FAT3: variants seen among roughly 807,000 people sequenced by gnomAD.
FAT3 encodes protocadherin Fat 3.
Under a neutral mutation model 310.2 loss-of-function variants are expected in FAT3, and 95 were observed. That is an observed-to-expected ratio of 0.31 (90% CI 0.26 to 0.36). The LOEUF is 0.36. Ranked by LOEUF, FAT3 falls within the 10% of genes least tolerant of loss-of-function variation. FAT3 has a pLI of 1.00. For missense variants in FAT3, 5,408 were observed against 5,715.6 expected, an observed-to-expected ratio of 0.95 and a Z score of 1.74; for synonymous variants, 2,314 against 2,192.9, an observed-to-expected ratio of 1.06 and a Z score of -1.54.
At chr11:92,741,796 C>A (rs951163583) in intron 4 of FAT3, among the ~76,000 whole-genome samples, 20 of 152,180 alleles carry the variant, frequency 1.3e-4, no homozygotes, top group African/African-American at 4.3e-4. Flanking sequence ...AGAAAAAATA[C>A]TACCTGTTGT....
intron 3 of FAT3, among the ~76,000 whole-genome samples, chr11:92,593,384 G>A (rs772537597): frequency 2.0e-5 from 3 of 151,586 alleles, no homozygotes; most frequent in African/African-American, 4.8e-5. Flanking sequence ...TTCTATAGCA[G>A]CTGTGCCATT....
chr11:92,371,187 G>A (rs1949176299), intron 2 of FAT3, among the ~76,000 whole-genome samples: 1 of 152,212 alleles, frequency 6.6e-6, no homozygotes, highest in Admixed American at 6.5e-5. Flanking sequence ...TTCTGTGCCA[G>A]GTGTTAAATA....
chr11:92,582,889 A>G (rs770992922), intron 3 of FAT3, among the ~76,000 whole-genome samples: 1 of 152,032 alleles, frequency 6.6e-6, no homozygotes, highest in Non-Finnish European at 1.5e-5. Context: ...ACAAAAGCAA[A>G]ATCTGGGCCA....
intron 4 of FAT3, among the ~76,000 whole-genome samples, chr11:92,731,830 T>A (rs996528016): frequency 2.0e-5 from 3 of 152,244 alleles, no homozygotes; most frequent in African/African-American, 7.2e-5. Flanking sequence ...TCTTTTTTAA[T>A]AATTTAAGGG....
Position 92,799,848 on chromosome 11 carries a change from G to A in FAT3, c.6835G>A (p.Asp2279Asn). 1 of 1,613,360 alleles carries A rather than the reference G, an allele frequency of 6.2e-7. No individual in the cohort carries two copies. Among genetic ancestry groups the A allele is most frequent in the East Asian group, 2.2e-5 (1 of 44,828 alleles). ...AEVTVDLLVN[D>N]VNDNPPIFDQ... ...AGTCACTGTTGACTTGCTAGTTAATGATGTAAATGACAACCCCCCTATTTT... is the reference window on the plus strand; with the variant it reads ...AGTCACTGTTGACTTGCTAGTTAATAATGTAAATGACAACCCCCCTATTTT... The change falls in exon 10 of 28, where the codon GAT becomes AAT. Residue 2279 changes from aspartate (D) to asparagine (N), a missense_variant. This residue lies in a region of FAT3 where 4,588 missense variants were observed against 4,809.8 expected (regional missense o/e 0.95). Coordinates refer to ENST00000525166, the MANE Select transcript of FAT3 (RefSeq NM_001367949.2).
At chr11:92,748,290 A>G (rs1196529547) in intron 4 of FAT3, among the ~76,000 whole-genome samples, 1 of 152,164 alleles carries the variant, frequency 6.6e-6, no homozygotes, top group Non-Finnish European at 1.5e-5. Flanking sequence ...ACTCACTACC[A>G]GGAGAACAGT....
intron 3 of FAT3, among the ~76,000 whole-genome samples, chr11:92,618,782 A>G (rs776930042): frequency 9.2e-5 from 14 of 152,164 alleles, no homozygotes; most frequent in Non-Finnish European, 1.3e-4. Context: ...AAATCATGTT[A>G]TCTACACATG....
intron 3 of FAT3, among the ~76,000 whole-genome samples, chr11:92,538,748 C>T (rs1351569926): frequency 2.0e-5 from 3 of 152,042 alleles, no homozygotes; most frequent in South Asian, 4.1e-4. Context: ...CATGCACTGA[C>T]ATTTATTGCT....
chr11:92,609,390 T>C (rs567135581), intron 3 of FAT3, among the ~76,000 whole-genome samples: 1 of 152,238 alleles, frequency 6.6e-6, no homozygotes, highest in South Asian at 2.1e-4. Context: ...TCTAATTTTC[T>C]GGTGTCTTTG....
chr11:92,696,904 A>G (rs1943956872), intron 3 of FAT3, among the ~76,000 whole-genome samples: 1 of 152,228 alleles, frequency 6.6e-6, no homozygotes, highest in Non-Finnish European at 1.5e-5. Context: ...AATTATGTGT[A>G]CAAGTAGCGA....
At position 92,831,705 on chromosome 11, in the gene FAT3, C is replaced by G; in HGVS notation, c.9565C>G (p.Leu3189Val). The change falls in exon 14 of 28, where the codon CTG becomes GTG. Residue 3189 changes from leucine (L) to valine (V), a missense_variant. Leu to Val is a conservative substitution (Grantham distance 32, BLOSUM62 1). Coordinates refer to ENST00000525166, the MANE Select transcript of FAT3 (RefSeq NM_001367949.2). ...TGACAGCTCATCTGGCATCATCATC[C>G]TGGAGCAGCCACTGGACCGTGAGCA... Reference protein sequence around the residue: ...SIDSSSGIIILEQPLDREQQS... With the variant: ...SIDSSSGIIIVEQPLDREQQS... The G allele has an allele frequency of 6.2e-7, 1 of 1,613,506 alleles. No individual in the cohort carries two copies. The highest frequency in any genetic ancestry group is 8.5e-7 in the Non-Finnish European group (1 of 1,179,760).
intron 19 of FAT3, among the ~76,000 whole-genome samples, chr11:92,856,002 A>T (rs1206140695): frequency 2.4e-5 from 3 of 123,100 alleles, no homozygotes; most frequent in Non-Finnish European, 5.0e-5. Context: ...TTTTTTTGAG[A>T]CAGGGTCTTG....
chr11:92,627,931 C>T (rs1461339672), intron 3 of FAT3, among the ~76,000 whole-genome samples: 1 of 152,134 alleles, frequency 6.6e-6, no homozygotes, highest in Admixed American at 6.5e-5. Context: ...ATGACTGGAG[C>T]GTGGGGCTTT....
At chr11:92,558,391 G>A (rs563865972) in intron 3 of FAT3, among the ~76,000 whole-genome samples, 25 of 109,246 alleles carry the variant, frequency 2.3e-4, no homozygotes, top group East Asian at 6.5e-4. Context: ...ATATGTGCAC[G>A]TGTTGTGTTT....
At chr11:92,775,989 C>A (rs1166765878) in intron 7 of FAT3, among the ~76,000 whole-genome samples, 1 of 152,148 alleles carries the variant, frequency 6.6e-6, no homozygotes, top group African/African-American at 2.4e-5. Context: ...TAATACAAAA[C>A]AACCCACCTG....
Position 92,443,327 on chromosome 11 carries a change from T to C in FAT3, c.3293-81307T>C, listed in dbSNP as rs188273602. Among the ~76,000 whole-genome samples the C allele has an allele frequency of 1.7e-3, 264 of 152,358 alleles. 1 individual carries two copies. Among genetic ancestry groups the C allele is most frequent in the Non-Finnish European group, 3.0e-3 (203 of 68,032 alleles). ...TAGCTGAAAGTCCCCAAGCGCACAC[T>C]GTACTGTATTGTCAAATCCTTGCAG... On this transcript the variant is annotated intron_variant, in intron 2 of 27. Coordinates refer to ENST00000525166, the MANE Select transcript of FAT3 (RefSeq NM_001367949.2).
At position 92,806,375 on chromosome 11, in the gene FAT3, C is replaced by A; in HGVS notation, c.9107C>A (p.Ala3036Glu). 1 of 1,599,806 alleles carries A rather than the reference C, an allele frequency of 6.3e-7. No homozygotes were observed. The highest frequency in any genetic ancestry group is 8.5e-7 in the Non-Finnish European group (1 of 1,172,402). ...ACCTTTGTCCAGGTTGCATATACAG[C>A]ATTACTTCCTGAAGACATTCCATCA... ...SPVCDQVAYTALLPEDIPSNK... is the reference protein window; with the variant it reads ...SPVCDQVAYTELLPEDIPSNK... Residue 3036 changes from alanine to glutamate, a missense_variant, in exon 12 of 28, where the codon GCA becomes GAA. Ala to Glu is a moderately radical substitution (Grantham distance 107). Transcript: ENST00000525166.
intron 3 of FAT3, among the ~76,000 whole-genome samples, chr11:92,552,066 T>C (rs899257089): frequency 6.6e-6 from 1 of 152,222 alleles, no homozygotes; most frequent in Admixed American, 6.5e-5. Context: ...TAATTAGAAA[T>C]AATCCTTGAA....
intron 2 of FAT3, among the ~76,000 whole-genome samples, chr11:92,382,563 C>T (rs1238569800): frequency 6.6e-6 from 1 of 152,172 alleles, no homozygotes; most frequent in Non-Finnish European, 1.5e-5. Flanking sequence ...CTCCATCCTA[C>T]CTGAGTGTCA....
Sources: allele counts gnomAD v4.1 joint callset (sites outside exome capture counted in the v4.1 genomes callset), GRCh38; gene constraint gnomAD v4.1.1; regional missense constraint gnomAD v4.1.1; transcripts MANE v1.5; gene names NCBI Gene and HGNC (gene_info 2026-07-23, HGNC 2026-07-21).